The following RIMS2 variants were observed in gnomAD, a reference collection of about 807,000 sequenced individuals.
RIMS2 encodes the protein regulating synaptic membrane exocytosis protein 2.
Under a neutral mutation model 174.4 loss-of-function variants are expected in RIMS2, and 59 were observed. The observed-to-expected ratio is 0.34, with a 90% confidence interval of 0.27 to 0.42. The LOEUF (loss-of-function observed/expected upper bound fraction) is 0.42. Ranked by LOEUF, RIMS2 falls within the 10% of genes least tolerant of loss-of-function variation. The pLI, the probability that RIMS2 is intolerant of heterozygous loss-of-function variation, is 1.00. For missense variants in RIMS2, 1,620 were observed against 1,666.3 expected (o/e 0.97, Z 0.48); for synonymous variants, 606 against 572.5 (o/e 1.06, Z -0.84).
At chr8:103,629,760 C>A (rs1046071847) in intron 1 of RIMS2, among the ~76,000 whole-genome samples, 1 of 151,264 alleles carries the variant, frequency 6.6e-6, no homozygotes, top group Non-Finnish European at 1.5e-5. Flanking sequence ...ATAACCAAAA[C>A]AAAAACCACA....
chr8:103,916,629 G>A, intron 8 of RIMS2, 92 bp downstream of exon 11: 1 of 1,018,898 alleles, frequency 9.8e-7, no homozygotes, highest in Admixed American at 2.7e-5. Context: ...ATTGCTTTAT[G>A]GAAATGAATT....
intron 1 of RIMS2, among the ~76,000 whole-genome samples, chr8:103,597,968 C>T (rs2094542805): frequency 6.6e-6 from 1 of 152,066 alleles, no homozygotes; most frequent in Non-Finnish European, 1.5e-5. Flanking sequence ...ATATGCATTT[C>T]TATAAGTATA....
chr8:103,710,604 G>T (rs944491122), intron 2 of RIMS2, among the ~76,000 whole-genome samples: 1 of 152,042 alleles, frequency 6.6e-6, no homozygotes, highest in Non-Finnish European at 1.5e-5. Context: ...ATTATTTTAA[G>T]CGTCAGAGTG....
chr8:104,127,380 G>A (rs2098440360), intron 19 of RIMS2, among the ~76,000 whole-genome samples: 1 of 152,086 alleles, frequency 6.6e-6, no homozygotes, highest in Admixed American at 6.5e-5. Flanking sequence ...ACCCATCTAG[G>A]CTCAATTCCA....
chr8:103,931,579 C>T (rs2079957727), intron 12 of RIMS2, among the ~76,000 whole-genome samples, 186 bp downstream of exon 14: 2 of 151,772 alleles, frequency 1.3e-5, no homozygotes, highest in Non-Finnish European at 1.5e-5. Flanking sequence ...ACTCACATGT[C>T]GTATATGTGA....
chr8:104,093,624 G>A, intron 19 of RIMS2: 1 of 1,594,016 alleles, frequency 6.3e-7, no homozygotes, highest in East Asian at 2.2e-5. Flanking sequence ...AGAACGCCCA[G>A]GAGGAAACAA....
intron 1 of RIMS2, among the ~76,000 whole-genome samples, chr8:103,518,741 C>A (rs1344268294): frequency 1.3e-5 from 2 of 151,940 alleles, no homozygotes; most frequent in Non-Finnish European, 2.9e-5. Context: ...GATATGTTAA[C>A]AAGTGACTTC....
chr8:103,842,316 G>A (rs886099876), intron 3 of RIMS2, among the ~76,000 whole-genome samples: 1 of 151,850 alleles, frequency 6.6e-6, no homozygotes, highest in Non-Finnish European at 1.5e-5. Context: ...ATAGAAAGAA[G>A]AATTAAAGAA....
chr8:103,933,618 A>T (rs574285033), intron 12 of RIMS2, among the ~76,000 whole-genome samples: 132 of 152,276 alleles, frequency 8.7e-4, no homozygotes, highest in African/African-American at 3.1e-3. Context: ...TCCTTCTCAG[A>T]TTATTTCTTA....
At chr8:104,043,065 A>G (rs922356494) in intron 19 of RIMS2, among the ~76,000 whole-genome samples, 2 of 151,674 alleles carry the variant, frequency 1.3e-5, no homozygotes, top group African/African-American at 4.8e-5. Context: ...AAGGGGTACA[A>G]TCAGCAGAGA....
intron 19 of RIMS2, among the ~76,000 whole-genome samples, chr8:104,158,585 C>T (rs1350070380): frequency 6.6e-6 from 1 of 152,116 alleles, no homozygotes; most frequent in Non-Finnish European, 1.5e-5. Flanking sequence ...TTAATGATTG[C>T]CATTCTAACT....
rs1026298079 is a variant in RIMS2 at position 103,975,339 on chromosome 8, T to A, written c.2771-11T>A. 6.3e-7 allele frequency: 1 copy of A among 1,599,662 alleles called. No individual in the cohort carries two copies. The highest frequency in any genetic ancestry group is 8.6e-7 in the Non-Finnish European group (1 of 1,167,986). Reference sequence around the variant, plus strand: ...ACATAACTATAATATTTATTAATTTTCTACCTTTAGATTATCGACATGATG... The same window carrying A: ...ACATAACTATAATATTTATTAATTTACTACCTTTAGATTATCGACATGATG... On this transcript the variant is annotated splice_polypyrimidine_tract_variant and intron_variant, in intron 15 of 23. Coordinates refer to ENST00000504942, the Ensembl canonical transcript of RIMS2.
chr8:104,107,513 G>A (rs960040869), intron 19 of RIMS2, among the ~76,000 whole-genome samples: 11 of 152,242 alleles, frequency 7.2e-5, no homozygotes, highest in Admixed American at 6.5e-4. Context: ...CTTTGTATAT[G>A]AATAAATTAG....
intron 19 of RIMS2, among the ~76,000 whole-genome samples, chr8:104,038,635 C>T (rs1253958263): frequency 6.6e-6 from 1 of 151,818 alleles, no homozygotes; most frequent in Admixed American, 6.6e-5. Flanking sequence ...CTGAAGTCTG[C>T]TATTCATTAT....
At chr8:103,618,516 A>T (rs2095557706) in intron 1 of RIMS2, among the ~76,000 whole-genome samples, 1 of 152,114 alleles carries the variant, frequency 6.6e-6, no homozygotes, top group South Asian at 2.1e-4. Flanking sequence ...AGACCCAGAC[A>T]GTTGCAAAAA....
chr8:103,776,721 A>C (rs1731530611), intron 3 of RIMS2, among the ~76,000 whole-genome samples: 1 of 152,094 alleles, frequency 6.6e-6, no homozygotes, highest in Admixed American at 6.6e-5. Context: ...TTGCAAAAAG[A>C]AAAAAATAAA....
chr8:103,783,602 AT>A (rs1244089914), intron 3 of RIMS2, among the ~76,000 whole-genome samples: 1 of 151,774 alleles, frequency 6.6e-6, no homozygotes, highest in African/African-American at 2.4e-5. Context: ...TGAACTCATC[AT>A]TTTTTATGGC....
intron 19 of RIMS2, among the ~76,000 whole-genome samples, chr8:104,089,196 A>G (rs1270877904): frequency 1.3e-5 from 2 of 151,942 alleles, no homozygotes; most frequent in Middle Eastern, 3.2e-3. Context: ...TCCATCAGCT[A>G]TATTCTAATA....
At chr8:104,070,732 C>T (rs2097181931) in intron 19 of RIMS2, among the ~76,000 whole-genome samples, 2 of 151,960 alleles carry the variant, frequency 1.3e-5, no homozygotes, top group Admixed American at 6.6e-5. Context: ...TTATATTTTA[C>T]TATACTTCAG....
Sources: gnomAD v4.1 joint callset for allele counts (sites outside exome capture counted in the v4.1 genomes callset) on GRCh38, gnomAD v4.1.1 for gene constraint, MANE v1.5 for transcripts, NCBI Gene and HGNC (gene_info 2026-07-23, HGNC 2026-07-21) for gene names.